The following PDGFD variants were observed in gnomAD, a reference collection of about 807,000 sequenced individuals.
PDGFD encodes the protein platelet-derived growth factor D.
Under a neutral mutation model 44.7 loss-of-function variants are expected in PDGFD, and 30 were observed. The ratio of observed to expected loss-of-function variants is 0.67; its 90% CI spans 0.50 to 0.91. The LOEUF is 0.91. Among genes scored for constraint, PDGFD ranks in the 40% least tolerant of loss-of-function variants. PDGFD has a pLI of 0.00. For synonymous variants in PDGFD, 173 were observed against 168.4 expected, an observed-to-expected ratio of 1.03 and a Z score of -0.21; for missense variants, 445 against 457.8, an observed-to-expected ratio of 0.97 and a Z score of 0.25.
chr11:104,037,708 C>T (rs1323362028), intron 1 of PDGFD: 2 of 1,613,942 alleles, frequency 1.2e-6, no homozygotes, highest in Non-Finnish European at 1.7e-6. Context: ...AGTGGGCACA[C>T]AGAGAATTAT....
intron 1 of PDGFD, among the ~76,000 whole-genome samples, chr11:104,080,672 C>T (rs1305834786): frequency 2.0e-5 from 3 of 152,180 alleles, no homozygotes; most frequent in Non-Finnish European, 4.4e-5. Flanking sequence ...GTGTAGCACC[C>T]TTATGCTTTG....
At chr11:104,118,937 T>C (rs1431492379) in intron 1 of PDGFD, among the ~76,000 whole-genome samples, 1 of 102,658 alleles carries the variant, frequency 9.7e-6, no homozygotes, top group African/African-American at 4.1e-5. Context: ...TATTATAATA[T>C]ATATTATAAT....
At chr11:103,991,118 G>A (rs1234107056) in intron 3 of PDGFD, among the ~76,000 whole-genome samples, 3 of 150,230 alleles carry the variant, frequency 2.0e-5, no homozygotes, top group South Asian at 2.1e-4. Context: ...CAGCCTAGGC[G>A]ACAGAAAGAG....
chr11:104,000,781 A>G (rs527800327), intron 1 of PDGFD, among the ~76,000 whole-genome samples: 141 of 152,282 alleles, frequency 9.3e-4, no homozygotes, highest in Middle Eastern at 3.4e-3. Context: ...CCATCCTTCC[A>G]CCACGAAAAA....
rs199961139 is a variant in PDGFD at position 104,051,104 on chromosome 11, A to AC, written c.125-50850_125-50849insG. ...GGCAGCACAAGGTGATACAGGAAAA[A>AC]AAAATGCCCTCCATTATGATGAAAA... is the stretch of plus-strand genomic sequence containing the variant. On this transcript the variant is annotated intron_variant, in intron 1 of 6. Transcript: ENST00000393158. 5.4e-4 allele frequency among the ~76,000 whole-genome samples: 82 copies of AC among 152,098 alleles called. No individual in the cohort carries two copies. In the East Asian group the frequency reaches 0.015, roughly 29 times the overall value.
chr11:104,081,524 AG>A (rs1288692694), intron 1 of PDGFD, among the ~76,000 whole-genome samples: 8 of 152,146 alleles, frequency 5.3e-5, no homozygotes, highest in Admixed American at 3.9e-4. Flanking sequence ...ACTCTAAATG[AG>A]CTAAGAGCCA....
chr11:104,028,516 G>C (rs531430698), intron 1 of PDGFD, among the ~76,000 whole-genome samples: 64 of 150,168 alleles, frequency 4.3e-4, no homozygotes, highest in African/African-American at 1.5e-3. Context: ...ATGAAGAAAT[G>C]GTCTCAGAGC....
At chr11:104,087,873 T>C (rs777932054) in intron 1 of PDGFD, among the ~76,000 whole-genome samples, 1 of 152,226 alleles carries the variant, frequency 6.6e-6, no homozygotes, top group African/African-American at 2.4e-5. Flanking sequence ...TAGACTAGTT[T>C]GTAATAATGT....
At chr11:104,075,434 T>C (rs1030546970) in intron 1 of PDGFD, among the ~76,000 whole-genome samples, 1 of 151,992 alleles carries the variant, frequency 6.6e-6, no homozygotes, top group Non-Finnish European at 1.5e-5. Context: ...CTCTTTCATA[T>C]CAGTTGTTAG....
chr11:104,163,660 GGCA>G (rs1862421928), intron 1 of PDGFD, 141 bp downstream of exon 1: 2 of 990,416 alleles, frequency 2.0e-6, no homozygotes, highest in African/African-American at 3.3e-5. Context: ...ACTGGATACA[GGCA>G]GGAGACCTCC....
At chr11:103,983,325 T>A (rs921697681) in intron 3 of PDGFD, among the ~76,000 whole-genome samples, 1 of 151,814 alleles carries the variant, frequency 6.6e-6, no homozygotes, top group Non-Finnish European at 1.5e-5. Flanking sequence ...GGGGAAAGGA[T>A]TCTCTATTCA....
At chr11:104,002,296 T>C (rs1164672931) in intron 1 of PDGFD, among the ~76,000 whole-genome samples, 1 of 152,156 alleles carries the variant, frequency 6.6e-6, no homozygotes, top group Non-Finnish European at 1.5e-5. Context: ...CTAATTGTAA[T>C]CCTCACATGT....
chr11:104,000,631 C>G (rs912983936), intron 1 of PDGFD, among the ~76,000 whole-genome samples: 1 of 152,212 alleles, frequency 6.6e-6, no homozygotes, highest in South Asian at 2.1e-4. Flanking sequence ...TCCCTAAATT[C>G]TTCACAAATC....
intron 1 of PDGFD, chr11:104,037,718 T>C (rs374656084): frequency 1.9e-5 from 30 of 1,613,986 alleles, no homozygotes; most frequent in African/African-American, 9.3e-5. Flanking sequence ...CAGAGAATTA[T>C]TGGCCGTGTT....
At chr11:103,912,283 G>A (rs9666124) in intron 6 of PDGFD, among the ~76,000 whole-genome samples, 69,620 of 151,944 alleles carry the variant, frequency 0.46, 16,057 homozygotes, top group South Asian at 0.49. Flanking sequence ...CGGATCTCCC[G>A]GCAGAAACCC....
chr11:104,143,917 G>GT (rs1862122183), intron 1 of PDGFD, among the ~76,000 whole-genome samples: 1 of 152,124 alleles, frequency 6.6e-6, no homozygotes. Context: ...CTTAAAACTG[G>GT]TTTGTTATTT....
chr11:104,103,475 T>C (rs932684044), intron 1 of PDGFD, among the ~76,000 whole-genome samples: 8 of 139,864 alleles, frequency 5.7e-5, no homozygotes, highest in East Asian at 2.0e-4. Context: ...TATATATATA[T>C]ATATATATAT....
intron 1 of PDGFD, among the ~76,000 whole-genome samples, chr11:104,051,188 T>C (rs1232124649): frequency 2.6e-5 from 4 of 152,136 alleles, no homozygotes; most frequent in Admixed American, 1.3e-4. Context: ...TAACACTCAA[T>C]AGTAGCAAAG....
chr11:104,093,319 C>T (rs972213919), intron 1 of PDGFD, among the ~76,000 whole-genome samples: 23 of 152,022 alleles, frequency 1.5e-4, no homozygotes, highest in African/African-American at 4.8e-4. Context: ...CACACACACA[C>T]GCACACACAT....
Sources: gnomAD v4.1 joint callset for allele counts (sites outside exome capture counted in the v4.1 genomes callset) on GRCh38, gnomAD v4.1.1 for gene constraint, MANE v1.5 for transcripts, NCBI Gene and HGNC (gene_info 2026-07-23, HGNC 2026-07-21) for gene names.